BCHE: variants seen among roughly 807,000 people sequenced by gnomAD.
BCHE encodes cholinesterase.
A neutral mutation model predicts 51.3 loss-of-function variants in BCHE; 48 were observed. The ratio of observed to expected loss-of-function variants is 0.94; its 90% CI spans 0.74 to 1.19. BCHE has a LOEUF of 1.19. Among genes scored for constraint, BCHE ranks in the 50% most tolerant of loss-of-function variants. BCHE has a pLI of 0.00. For synonymous variants in BCHE, 251 were observed against 238.0 expected (o/e 1.05, Z -0.50); for missense variants, 847 against 708.2 (o/e 1.20, Z -2.23).
At chr3:165,778,740 T>C (rs1250010555) in intron 3 of BCHE, 1 of 436,888 alleles carries the variant, frequency 2.3e-6, no homozygotes, top group Non-Finnish European at 4.7e-6. Context: ...ATATAGGCTC[T>C]GTAAATGTTA....
chr3:165,828,627 C>A (rs1348406843), intron 2 of BCHE, among the ~76,000 whole-genome samples: 1 of 151,670 alleles, frequency 6.6e-6, no homozygotes, highest in Non-Finnish European at 1.5e-5. Context: ...GTAAACATTT[C>A]TTGTATAAGT....
intron 2 of BCHE, among the ~76,000 whole-genome samples, chr3:165,786,656 C>G (rs1225240716): frequency 6.6e-6 from 1 of 151,660 alleles, no homozygotes; most frequent in Non-Finnish European, 1.5e-5. Flanking sequence ...ATTATCTTCC[C>G]TTATCCTAGG....
intron 2 of BCHE, among the ~76,000 whole-genome samples, chr3:165,821,998 A>C (rs1714542449): frequency 6.6e-6 from 1 of 151,984 alleles, no homozygotes; most frequent in South Asian, 2.1e-4. Context: ...GTGTAAGGGA[A>C]TAAATAATAA....
intron 3 of BCHE, among the ~76,000 whole-genome samples, chr3:165,775,642 A>G (rs1712441751): frequency 6.6e-6 from 1 of 151,776 alleles, no homozygotes; most frequent in South Asian, 2.1e-4. Flanking sequence ...TCATGGAATA[A>G]TACCAAAATC....
Position 165,830,977 on chromosome 3 carries a change from G to T in BCHE, c.57C>A (p.Leu19=). The T allele has an allele frequency of 6.2e-7, 1 of 1,613,746 alleles. No individual in the cohort carries two copies. The highest frequency in any genetic ancestry group is 1.1e-5 in the South Asian group (1 of 91,064). Residue 19 remains leucine (L), a synonymous_variant, in exon 2 of 4, where the codon CTC becomes CTA. Transcript: ENST00000264381. ...CIRFLFWFLL[L]CMLIGKSHTE... ...TATGTGACTTCCCAATAAGCATGCA[G>T]AGCAAAAGAAACCAAAAGAGAAATC...
At chr3:165,804,083 G>A (rs1038885339) in intron 2 of BCHE, among the ~76,000 whole-genome samples, 6 of 151,270 alleles carry the variant, frequency 4.0e-5, no homozygotes, top group African/African-American at 9.7e-5. Flanking sequence ...GATGATTTCT[G>A]GGTTTCCATG....
At chr3:165,788,918 T>C (rs1713064195) in intron 2 of BCHE, among the ~76,000 whole-genome samples, 1 of 152,186 alleles carries the variant, frequency 6.6e-6, no homozygotes, top group Non-Finnish European at 1.5e-5. Context: ...TTTTATTCTA[T>C]AATTTGAAGA....
At chr3:165,812,621 TA>T (rs202226259) in intron 2 of BCHE, among the ~76,000 whole-genome samples, 296 of 151,710 alleles carry the variant, frequency 2.0e-3, no homozygotes, top group African/African-American at 6.8e-3. Context: ...AATAGAAAAA[TA>T]AAAAAAAGAA....
At chr3:165,817,713 T>C (rs56824690) in intron 2 of BCHE, among the ~76,000 whole-genome samples, 11,858 of 152,186 alleles carry the variant, frequency 0.078, 512 homozygotes, top group African/African-American at 0.1. Flanking sequence ...TGCATCTTGC[T>C]CTATGCTTCT....
chr3:165,822,772 T>G (rs952294801), intron 2 of BCHE, among the ~76,000 whole-genome samples: 1 of 152,140 alleles, frequency 6.6e-6, no homozygotes, highest in Non-Finnish European at 1.5e-5. Flanking sequence ...CATTTTATAC[T>G]ATCTTACTAA....
chr3:165,816,097 T>C (rs1397315395), intron 2 of BCHE, among the ~76,000 whole-genome samples: 1 of 151,938 alleles, frequency 6.6e-6, no homozygotes, highest in African/African-American at 2.4e-5. Context: ...ACCTTTTCTA[T>C]GGAATACATA....
intron 1 of BCHE, among the ~76,000 whole-genome samples, chr3:165,836,662 C>A (rs1715201278): frequency 6.6e-6 from 1 of 151,784 alleles, no homozygotes; most frequent in Non-Finnish European, 1.5e-5. Flanking sequence ...AAAATAATAG[C>A]AAATGTAAAA....
chr3:165,830,011 T>C lies in BCHE; in HGVS notation c.1023A>G (p.Lys341=). 1.2e-6 allele frequency: 2 copies of C among 1,613,822 alleles called. No homozygotes were observed. The highest frequency in any genetic ancestry group is 1.7e-6 in the Non-Finnish European group (2 of 1,179,902). ...TAACACCCACCAAAATCTGGGTTTT[T>C]TTAAATTGTCCAAGTTCAAGTAATA... The part of the protein sequence containing the change: ...PDILLELGQF[K]KTQILVGVNK... Residue 341 remains lysine (K), a synonymous_variant, in exon 2 of 4, where the codon AAA becomes AAG. Coordinates refer to ENST00000264381, the MANE Select transcript of BCHE (RefSeq NM_000055.4).
intron 2 of BCHE, among the ~76,000 whole-genome samples, chr3:165,800,009 C>A (rs556264255): frequency 3.5e-5 from 2 of 56,598 alleles, no homozygotes; most frequent in East Asian, 9.5e-4. Context: ...TCAATTATTT[C>A]TCATGGAACT....
chr3:165,834,428 CAT>C (rs921169615), intron 1 of BCHE, among the ~76,000 whole-genome samples: 4 of 151,874 alleles, frequency 2.6e-5, no homozygotes, highest in Non-Finnish European at 5.9e-5. Context: ...AATGCTAACT[CAT>C]ATGTATTGTT....
chr3:165,775,348 A>G (rs2668205), intron 3 of BCHE, among the ~76,000 whole-genome samples: 142,632 of 151,834 alleles, frequency 0.94, 67,049 homozygotes, highest in Admixed American at 0.96. Context: ...TTTTAAAAAG[A>G]TCAGTCACTA....
chr3:165,814,684 T>C (rs556522028), intron 2 of BCHE, among the ~76,000 whole-genome samples: 25 of 152,150 alleles, frequency 1.6e-4, no homozygotes, highest in Non-Finnish European at 3.4e-4. Context: ...TTCTCTAAAC[T>C]TATGTCTGAC....
chr3:165,779,820 G>A (rs1402885360), intron 3 of BCHE, among the ~76,000 whole-genome samples: 1 of 152,060 alleles, frequency 6.6e-6, no homozygotes, highest in Non-Finnish European at 1.5e-5. Flanking sequence ...TCAATATTGT[G>A]AAAATGGCCA....
rs984192942 is a variant in BCHE at position 165,793,649 on chromosome 3, C to T, written c.1518-7338G>A. 3.9e-5 allele frequency among the ~76,000 whole-genome samples: 6 copies of T among 152,110 alleles called. No individual in the cohort carries two copies. The East Asian group carries it at 7.7e-4, about 20-fold the overall frequency. ...AAAATAGTTCACAAATGACAATTTC[C>T]GTATTTTTAAGAAAAACAGTATTCC... On this transcript the variant is annotated intron_variant, in intron 2 of 3. Transcript: ENST00000264381.
Sources: gnomAD v4.1 joint callset for allele counts (sites outside exome capture counted in the v4.1 genomes callset) on GRCh38, gnomAD v4.1.1 for gene constraint, MANE v1.5 for transcripts, NCBI Gene and HGNC (gene_info 2026-07-23, HGNC 2026-07-21) for gene names.